The following NEMP2 variants were observed in gnomAD, a reference collection of about 807,000 sequenced individuals.
NEMP2 encodes nuclear envelope integral membrane protein 2.
A neutral mutation model predicts 54.2 loss-of-function variants in NEMP2; 53 were observed. The observed-to-expected ratio is 0.98, with a 90% CI of 0.78 to 1.23. The LOEUF is 1.23. Among genes scored for constraint, NEMP2 ranks in the 50% most tolerant of loss-of-function variants. The pLI, the probability that NEMP2 is intolerant of heterozygous loss-of-function variation, is 0.00. For missense variants in NEMP2, 455 were observed against 511.3 expected (o/e 0.89, Z 1.06); for synonymous variants, 197 against 190.3 (o/e 1.04, Z -0.29).
the NEMP2 span, among the ~76,000 whole-genome samples, chr2:190,574,039 A>C: frequency 1.3e-5 from 2 of 152,194 alleles, no homozygotes; most frequent in Admixed American, 6.5e-5. Context: ...CTGGCTTTCA[A>C]ACCTCATGCG....
In NEMP2 at chr2:190,512,531, T is replaced by C. The variant is rs777619399; in HGVS notation, c.953+1922A>G. On this transcript the variant is annotated intron_variant, in intron 7 of 8. Transcript: ENST00000409150. This position sits in a 1 kb window ranked among gnomAD's most constrained non-coding sequence, Gnocchi z 4.5. ...TTTATATAATTATTCACTAGCAAAA[T>C]TTTAAGTTGAGGAAGTTATAGTACA... is the stretch of plus-strand genomic sequence containing the variant. Among the ~76,000 whole-genome samples, 4 of 152,198 alleles carry C rather than the reference T, an allele frequency of 2.6e-5. No individual in the cohort carries two copies. The highest frequency in any genetic ancestry group is 5.9e-5 in the Non-Finnish European group (4 of 68,042).
the NEMP2 span, chr2:190,442,842 G>C: frequency 6.6e-6 from 1 of 152,154 alleles, no homozygotes; most frequent in Non-Finnish European, 1.5e-5. Context: ...AGGACGGGAT[G>C]CAGATTTGCA....
chr2:190,609,339 A>C, the NEMP2 span: 1 of 152,218 alleles, frequency 6.6e-6, no homozygotes. This position sits in a 1 kb window ranked among gnomAD's most constrained non-coding sequence, Gnocchi z 4.7. Context: ...AAATGGGTCT[A>C]GGTGCTGGGG....
chr2:190,485,661 T>G, the NEMP2 span, among the ~76,000 whole-genome samples: 17 of 152,256 alleles, frequency 1.1e-4, no homozygotes, highest in African/African-American at 3.6e-4. The surrounding 1 kb of genome is among the most constrained non-coding windows in gnomAD (Gnocchi z 5.1). Flanking sequence ...ATTAAGACTA[T>G]CCAGGCATTA....
In NEMP2 at chr2:190,509,349, T is replaced by C; in HGVS notation, c.1131-37A>G. The C allele has an allele frequency of 1.3e-6, 2 of 1,545,582 alleles. No individual in the cohort carries two copies. The highest frequency in any genetic ancestry group is 1.8e-6 in the Non-Finnish European group (2 of 1,142,078). On this transcript the variant is annotated intron_variant, in intron 8 of 8. Transcript: ENST00000409150. This position sits in a 1 kb window ranked among gnomAD's most constrained non-coding sequence, Gnocchi z 6.1. Reference sequence around the variant, plus strand: ...TTTGTTTTAAATAAAGTTAATGTTATCTCAGGAAGGTTTATTTGAAAGATA... The same window carrying C: ...TTTGTTTTAAATAAAGTTAATGTTACCTCAGGAAGGTTTATTTGAAAGATA...
chr2:190,640,614 A>C, the NEMP2 span, among the ~76,000 whole-genome samples: 2 of 152,186 alleles, frequency 1.3e-5, no homozygotes, highest in Non-Finnish European at 2.9e-5. Flanking sequence ...GTAACTTTGC[A>C]GTTATATGCA....
At chr2:190,526,351 G>A (rs1013281748) in intron 1 of NEMP2, among the ~76,000 whole-genome samples, 1 of 152,160 alleles carries the variant, frequency 6.6e-6, no homozygotes, top group African/African-American at 2.4e-5. Flanking sequence ...GTCCACAGAG[G>A]TTAGCTTCCA....
chr2:190,517,407 A>T, intron 5 of NEMP2, 113 bp downstream of exon 5: 2 of 739,406 alleles, frequency 2.7e-6, no homozygotes, highest in Non-Finnish European at 4.3e-6. Flanking sequence ...TACATAATGA[A>T]GAAACATAAT....
chr2:190,441,753 C>A, the NEMP2 span, among the ~76,000 whole-genome samples: 1 of 152,086 alleles, frequency 6.6e-6, no homozygotes, highest in African/African-American at 2.4e-5. Flanking sequence ...CCTCTGTGAG[C>A]TGCTGCGTCT....
At chr2:190,471,545 G>A in the NEMP2 span, among the ~76,000 whole-genome samples, 3 of 152,198 alleles carry the variant, frequency 2.0e-5, no homozygotes, top group East Asian at 5.8e-4. This position sits in a 1 kb window ranked among gnomAD's most constrained non-coding sequence, Gnocchi z 4.7. Context: ...GCTGGGGGAG[G>A]GGCACCCGCC....
At chr2:190,428,647 A>ATGCT in the NEMP2 span, among the ~76,000 whole-genome samples, 1 of 147,728 alleles carries the variant, frequency 6.8e-6, no homozygotes, top group African/African-American at 2.5e-5. Flanking sequence ...ACATTTAGAG[A>ATGCT]TGCTTGCTTA....
the NEMP2 span, among the ~76,000 whole-genome samples, chr2:190,425,935 T>C: frequency 2.0e-5 from 3 of 152,326 alleles, no homozygotes; most frequent in East Asian, 5.8e-4. The surrounding 1 kb of genome is among the most constrained non-coding windows in gnomAD (Gnocchi z 4.3). Context: ...ATCATTTCAA[T>C]TGTTTTTCTC....
the NEMP2 span, among the ~76,000 whole-genome samples, chr2:190,595,004 T>C: frequency 1.3e-5 from 2 of 152,236 alleles, no homozygotes; most frequent in Non-Finnish European, 2.9e-5. The surrounding 1 kb of genome is among the most constrained non-coding windows in gnomAD (Gnocchi z 4.0). Flanking sequence ...TAAAAATTGG[T>C]ATCATATCAT....
chr2:190,545,716 T>TG, the NEMP2 span, among the ~76,000 whole-genome samples: 1 of 152,196 alleles, frequency 6.6e-6, no homozygotes, highest in African/African-American at 2.4e-5. Flanking sequence ...GGGTGGAGGT[T>TG]GGGGAACAGA....
rs1025171139 is a variant in NEMP2, at chr2:190,533,139, CAAGAG to C, written c.97+1415_97+1419del. On this transcript the variant is annotated intron_variant, in intron 1 of 8. Transcript: ENST00000409150. This position sits in a 1 kb window ranked among gnomAD's most constrained non-coding sequence, Gnocchi z 4.3. The stretch of plus-strand genomic sequence containing the variant: ...TCAGTAAAAACATCTTCATTTTACT[CAAGAG>C]AAAACTACGGTCCATAAAGACTCTG... Among the ~76,000 whole-genome samples the C allele has an allele frequency of 9.9e-5, 15 of 152,140 alleles. No homozygotes were observed. The highest frequency in any genetic ancestry group is 3.6e-4 in the African/African-American group (15 of 41,424).
the NEMP2 span, among the ~76,000 whole-genome samples, chr2:190,421,744 A>T: frequency 2.0e-5 from 3 of 152,064 alleles, no homozygotes; most frequent in Middle Eastern, 3.4e-3. Context: ...AATTTTTTTT[A>T]AAGATGGGAT....
chr2:190,490,920 G>A, the NEMP2 span, among the ~76,000 whole-genome samples: 1 of 152,120 alleles, frequency 6.6e-6, no homozygotes, highest in African/African-American at 2.4e-5. This position sits in a 1 kb window ranked among gnomAD's most constrained non-coding sequence, Gnocchi z 4.5. Context: ...GAGCAATACT[G>A]TTTTTTCTTA....
intron 1 of NEMP2, among the ~76,000 whole-genome samples, chr2:190,526,223 C>T (rs1180290686): frequency 2.0e-5 from 3 of 152,142 alleles, no homozygotes; most frequent in Non-Finnish European, 1.5e-5. Flanking sequence ...CCAGGACTCC[C>T]GTGGAATGCA....
chr2:190,460,306 T>A, the NEMP2 span, among the ~76,000 whole-genome samples: 2 of 152,250 alleles, frequency 1.3e-5, no homozygotes, highest in South Asian at 2.1e-4. Context: ...ATCTATTTTT[T>A]AAATATATTT....
Sources: allele counts gnomAD v4.1 joint callset (sites outside exome capture counted in the v4.1 genomes callset), GRCh38; gene constraint gnomAD v4.1.1; non-coding constraint Gnocchi (gnomAD v3.1); transcripts MANE v1.5; gene names NCBI Gene and HGNC (gene_info 2026-07-23, HGNC 2026-07-21).